The following TAF3 variants were observed in gnomAD, a reference collection of about 807,000 sequenced individuals.
The protein encoded by TAF3 is TATA-box binding protein associated factor 3.
In TAF3, 7 loss-of-function variants were observed where a neutral mutation model predicts 80.6. That is an observed-to-expected ratio of 0.09 (90% CI 0.05 to 0.16). TAF3 has a LOEUF of 0.16. TAF3 is among the 10% of genes least tolerant of loss of function. The pLI is 1.00. For missense variants in TAF3, 921 were observed against 1,140.2 expected (o/e 0.81, Z 2.77); for synonymous variants, 444 against 446.1 (o/e 1.00, Z 0.06).
chr10:7,999,263 C>A (rs187229235), intron 4 of TAF3, among the ~76,000 whole-genome samples: 41 of 152,090 alleles, frequency 2.7e-4, no homozygotes, highest in Admixed American at 5.2e-4. Flanking sequence ...TGCAAGTAAT[C>A]CAAAGACAAG....
intron 2 of TAF3, among the ~76,000 whole-genome samples, chr10:7,960,864 G>A (rs1396498960): frequency 6.6e-6 from 1 of 152,164 alleles, no homozygotes; most frequent in Non-Finnish European, 1.5e-5. Context: ...GATAACCCCA[G>A]GCATAACTCT....
At chr10:7,896,883 C>T (rs1837509189) in intron 2 of TAF3, among the ~76,000 whole-genome samples, 3 of 152,166 alleles carry the variant, frequency 2.0e-5, no homozygotes, top group Admixed American at 1.3e-4. Flanking sequence ...CAGATGTCAG[C>T]CCAGTTGGAA....
At chr10:8,013,675 T>G in intron 5 of TAF3, 56 bp from the exon 6 acceptor site, 3 of 1,436,154 alleles carry the variant, frequency 2.1e-6, no homozygotes, top group Non-Finnish European at 2.9e-6. Flanking sequence ...TCTGGCCTCT[T>G]TTTGTTTTTT....
chr10:7,849,368 T>C (rs1837004052), intron 2 of TAF3, among the ~76,000 whole-genome samples: 1 of 152,236 alleles, frequency 6.6e-6, no homozygotes, highest in African/African-American at 2.4e-5. Flanking sequence ...GACATCATCC[T>C]AAAGGTTCAG....
intron 2 of TAF3, among the ~76,000 whole-genome samples, chr10:7,829,820 G>C (rs774625139): frequency 6.6e-6 from 1 of 152,094 alleles, no homozygotes. Flanking sequence ...GGAGTTATGC[G>C]TCCCGCTTTG....
intron 2 of TAF3, among the ~76,000 whole-genome samples, chr10:7,855,533 A>C (rs1462098414): frequency 2.0e-5 from 3 of 152,208 alleles, no homozygotes; most frequent in Non-Finnish European, 4.4e-5. Context: ...CATTCTGATC[A>C]AACCTAGATA....
intron 2 of TAF3, among the ~76,000 whole-genome samples, chr10:7,825,738 A>T (rs958064108): frequency 1.3e-5 from 2 of 151,936 alleles, no homozygotes; most frequent in African/African-American, 2.4e-5. Context: ...TTATCCATTC[A>T]CTCACTGATG....
rs1384212034 is a variant in TAF3 at position 7,818,599 on chromosome 10, C to A, written c.-111C>A. On this transcript the variant is annotated 5_prime_UTR_variant, in exon 1 of 7. Transcript: ENST00000344293. ...GGTGGTCGCCGGGGGTCCGGGGGAC[C>A]CTTTCCCCGCCGCGGAAGCCCTAGA... is the stretch of plus-strand genomic sequence containing the variant. The A allele has an allele frequency of 2.4e-6, 3 of 1,272,960 alleles. No individual in the cohort carries two copies. The highest frequency in any genetic ancestry group is 1.6e-5 in the African/African-American group (1 of 63,798). The allele number at this position is 1,272,960 out of a possible 1,614,324, so 78.9% of individuals were successfully genotyped here.
chr10:7,875,958 T>C lies in TAF3; in HGVS notation c.409+51398T>C, dbSNP rs150354706. Among the ~76,000 whole-genome samples the C allele has an allele frequency of 3.8e-3, 572 of 152,100 alleles. 4 individuals are homozygous for C. The highest frequency in any genetic ancestry group is 0.02 in the South Asian group (95 of 4,832). ...CTCCAAACAAGTGATAGTAATCTTA[T>C]ATTACTATTAAACTTTTATTTTATT... On this transcript the variant is annotated intron_variant, in intron 2 of 6. Coordinates refer to ENST00000344293, the MANE Select transcript of TAF3 (RefSeq NM_031923.4).
chr10:7,976,159 T>C (rs553370578), intron 3 of TAF3, among the ~76,000 whole-genome samples: 2 of 152,354 alleles, frequency 1.3e-5, no homozygotes, highest in South Asian at 2.1e-4. Flanking sequence ...GGTCAGATCT[T>C]TCTGAGGTCT....
intron 4 of TAF3, among the ~76,000 whole-genome samples, chr10:7,981,194 C>G (rs1368798870): frequency 2.0e-5 from 3 of 152,178 alleles, no homozygotes; most frequent in Non-Finnish European, 4.4e-5. Flanking sequence ...CATTCTTCCC[C>G]TCAGATTTCT....
rs371658927 is a variant in TAF3 at position 7,964,137 on chromosome 10, A to G, written c.627A>G (p.Leu209=). The G allele has an allele frequency of 7.4e-5, 120 of 1,614,034 alleles. No individual in the cohort carries two copies. The highest frequency in any genetic ancestry group is 9.4e-5 in the Non-Finnish European group (111 of 1,180,042). The part of the protein sequence containing the change: ...STKGDTLDVV[L]LEAREPLSSI... ...AAGGGGACACGCTAGATGTTGTGTT[A>G]TTGGAAGCTCGAGAGCCACTCAGCT... Residue 209 remains leucine (L), a synonymous_variant, in exon 3 of 7, where the codon TTA becomes TTG. Coordinates refer to ENST00000344293, the MANE Select transcript of TAF3 (RefSeq NM_031923.4). This position sits in a 1 kb window ranked among gnomAD's most constrained non-coding sequence, Gnocchi z 4.1.
chr10:7,986,694 G>C (rs1181371588), intron 4 of TAF3, among the ~76,000 whole-genome samples: 1 of 152,070 alleles, frequency 6.6e-6, no homozygotes, highest in South Asian at 2.1e-4. Context: ...TCCTTGTCTA[G>C]ACACAAATGG....
rs1264607759 is a variant in TAF3 at position 8,016,280 on chromosome 10, G to A, written c.*1529G>A. 2 of 152,042 alleles carry A rather than the reference G, an allele frequency of 1.3e-5. No homozygotes were observed. The highest frequency in any genetic ancestry group is 2.4e-5 in the African/African-American group (1 of 41,384). The allele number at this position is 152,042 out of a possible 1,614,324, so 9.4% of individuals were successfully genotyped here. ...ACTAGAAAATGTGATTTTTTTAAAT[G>A]CCAAGTAAATTGATATTAGTGTATG... On this transcript the variant is annotated 3_prime_UTR_variant, in exon 7 of 7. Coordinates refer to ENST00000344293, the MANE Select transcript of TAF3 (RefSeq NM_031923.4).
At position 7,965,058 on chromosome 10, in the gene TAF3, T is replaced by C; in HGVS notation, c.1548T>C (p.Pro516=). 1 of 1,614,008 alleles carries C rather than the reference T, an allele frequency of 6.2e-7. No individual in the cohort carries two copies. The change falls in exon 3 of 7, where the codon CCT becomes CCC. Residue 516 remains proline (P), a synonymous_variant. Transcript: ENST00000344293. Reference sequence around the variant, plus strand: ...TGTATGAGGAGAAAACCAAGCTGCCTTCCTCCGTGGAGGTAAAGAAGAAGT... The same window carrying C: ...TGTATGAGGAGAAAACCAAGCTGCCCTCCTCCGTGGAGGTAAAGAAGAAGT... ...HKVYEEKTKL[P]SSVEVKKKLK...
chr10:7,988,474 A>G (rs1313123835), intron 4 of TAF3, among the ~76,000 whole-genome samples: 1 of 146,296 alleles, frequency 6.8e-6, no homozygotes, highest in Non-Finnish European at 1.5e-5. Context: ...CAGGAGGTTG[A>G]GGCAGGAGAA....
intron 2 of TAF3, among the ~76,000 whole-genome samples, chr10:7,924,143 TAGAC>T (rs1226048137): frequency 6.6e-6 from 1 of 152,204 alleles, no homozygotes; most frequent in Non-Finnish European, 1.5e-5. Context: ...ACATCATTCT[TAGAC>T]AGTGTTTGTG....
chr10:7,994,809 C>CAAAAAAAAAAAA lies in TAF3; in HGVS notation c.2316-14263_2316-14252dup, dbSNP rs34669002. ...GAAACCCTGTCTCTACTAAAAATACCAAAAAAAAAAAAAAAAATAGCTGGG... is the reference window on the plus strand; with the variant it reads ...GAAACCCTGTCTCTACTAAAAATACCAAAAAAAAAAAAAAAAAAAAAAAAAAAAATAGCTGGG... On this transcript the variant is annotated intron_variant, in intron 4 of 6. Transcript: ENST00000344293. 3.9e-3 allele frequency among the ~76,000 whole-genome samples: 482 copies of CAAAAAAAAAAAA among 124,202 alleles called. 1 individual carries two copies. Among genetic ancestry groups the CAAAAAAAAAAAA allele is most frequent in the East Asian group, 0.018 (75 of 4,278 alleles). The allele number at this position is 124,202 out of a possible 152,430, so 81.5% of individuals were successfully genotyped here. A position where few individuals can be genotyped will look rare whatever the true frequency, so the allele number is the denominator to read the frequency against.
chr10:7,830,299 C>A (rs532214746), intron 2 of TAF3, among the ~76,000 whole-genome samples: 2 of 151,762 alleles, frequency 1.3e-5, no homozygotes, highest in African/African-American at 4.8e-5. Flanking sequence ...AGAATAGCTT[C>A]TATGTGCCCA....
Sources: allele counts gnomAD v4.1 joint callset (sites outside exome capture counted in the v4.1 genomes callset), GRCh38; gene constraint gnomAD v4.1.1; non-coding constraint Gnocchi (gnomAD v3.1); transcripts MANE v1.5; gene names NCBI Gene and HGNC (gene_info 2026-07-23, HGNC 2026-07-21).